The following NOVA2 variants were observed in gnomAD, a reference collection of about 807,000 sequenced individuals.
NOVA2 encodes the protein RNA-binding protein Nova-2.
Under a neutral mutation model 22.5 loss-of-function variants are expected in NOVA2, and 9 were observed. The observed-to-expected ratio is 0.40, with a 90% CI of 0.24 to 0.70. NOVA2 has a LOEUF of 0.70. NOVA2 is among the 30% of genes least tolerant of loss of function. The probability of loss-of-function intolerance (pLI) is 0.38; values close to 1 mark genes in which losing one functional copy is unlikely to be tolerated. For synonymous variants in NOVA2, 318 were observed against 335.2 expected (o/e 0.95, Z 0.56); for missense variants, 383 against 682.8 (o/e 0.56, Z 4.89).
intron 3 of NOVA2, 131 bp downstream of exon 3, chr19:45,953,649 T>C: frequency 9.3e-7 from 1 of 1,078,134 alleles, no homozygotes; most frequent in Admixed American, 1.9e-5. Flanking sequence ...ACCACTACCA[T>C]GTGGTCTTTG....
At position 45,939,740 on chromosome 19, in the gene NOVA2, C is replaced by A. The variant is rs1967714676; in HGVS notation, c.*123G>T. On this transcript the variant is annotated 3_prime_UTR_variant, in exon 4 of 4. Coordinates refer to ENST00000263257, the MANE Select transcript of NOVA2 (RefSeq NM_002516.4). The stretch of plus-strand genomic sequence containing the variant: ...GAAGGGGAGGGTGCAGTCGGGCCTA[C>A]CCCAGCCCCATCCCAAGAGGAGCAG... The A allele has an allele frequency of 1.5e-6, 2 of 1,313,688 alleles. No individual in the cohort carries two copies. The highest frequency in any genetic ancestry group is 5.1e-5 in the East Asian group (2 of 39,322). The allele number at this position is 1,313,688 out of a possible 1,614,324, so 81.4% of individuals were successfully genotyped here. A position where few individuals can be genotyped will look rare whatever the true frequency, so the allele number is the denominator to read the frequency against.
At chr19:45,941,822 C>T (rs1275717598) in intron 3 of NOVA2, among the ~76,000 whole-genome samples, 1 of 152,184 alleles carries the variant, frequency 6.6e-6, no homozygotes, top group African/African-American at 2.4e-5. Flanking sequence ...AGTAGCCCCT[C>T]AACCACCCTG....
intron 3 of NOVA2, among the ~76,000 whole-genome samples, chr19:45,941,326 AT>A (rs1967755106): frequency 1.3e-5 from 2 of 150,002 alleles, no homozygotes; most frequent in African/African-American, 2.4e-5. Flanking sequence ...ATATATATAT[AT>A]ATAATTTTGT....
intron 3 of NOVA2, among the ~76,000 whole-genome samples, chr19:45,947,956 C>T (rs11672738): frequency 0.42 from 63,808 of 151,888 alleles, 15,888 homozygotes; most frequent in Non-Finnish European, 0.55. Flanking sequence ...TGATGCTGGG[C>T]AAGGGACCTA....
At chr19:45,957,658 C>T (rs962862086) in intron 2 of NOVA2, among the ~76,000 whole-genome samples, 5 of 152,006 alleles carry the variant, frequency 3.3e-5, no homozygotes, top group African/African-American at 1.2e-4. Flanking sequence ...GAGCCACGAT[C>T]GTGCCACTGC....
chr19:45,944,585 C>T (rs560526706), intron 3 of NOVA2, among the ~76,000 whole-genome samples: 1 of 152,194 alleles, frequency 6.6e-6, no homozygotes, highest in African/African-American at 2.4e-5. Context: ...TATATCCATA[C>T]AATGGAATAT....
At position 45,959,297 on chromosome 19, in the gene NOVA2, C is replaced by T. The variant is rs576308893; in HGVS notation, c.229+1713G>A. ...CATGCTGTATGATCTGGAAGTTGCA[C>T]GCCAGGAGTGGGGATGGGGGCTGAC... On this transcript the variant is annotated intron_variant, in intron 2 of 3. Transcript: ENST00000263257. Among the ~76,000 whole-genome samples the T allele has an allele frequency of 5.9e-5, 9 of 152,290 alleles. No individual in the cohort carries two copies. In the East Asian group the frequency reaches 1.2e-3, roughly 20 times the overall value.
rs1183222271 is a variant in NOVA2, at chr19:45,938,836, A to G, written c.*1027T>C. 6.6e-6 allele frequency: 1 copy of G among 152,268 alleles called. No individual in the cohort carries two copies. The highest frequency in any genetic ancestry group is 1.5e-5 in the Non-Finnish European group (1 of 68,058). The allele number at this position is 152,268 out of a possible 1,614,324, so 9.4% of individuals were successfully genotyped here. ...GTCCAATACAGGAAGTACATGCTTC[A>G]GCCTAATGACATCACAGGACGTGAC... is the stretch of plus-strand genomic sequence containing the variant. On this transcript the variant is annotated 3_prime_UTR_variant, in exon 4 of 4. Transcript: ENST00000263257.
chr19:45,939,569 G>A lies in NOVA2; in HGVS notation c.*294C>T, dbSNP rs1967711324. ...AAATCAACAAAATGCAATATATACAGATATCACACAGACCTGGGCCCTGGG... is the reference window on the plus strand; with the variant it reads ...AAATCAACAAAATGCAATATATACAAATATCACACAGACCTGGGCCCTGGG... On this transcript the variant is annotated 3_prime_UTR_variant, in exon 4 of 4. Coordinates refer to ENST00000263257, the MANE Select transcript of NOVA2 (RefSeq NM_002516.4). 3 of 367,122 alleles carry A rather than the reference G, an allele frequency of 8.2e-6. No homozygotes were observed. The highest frequency in any genetic ancestry group is 1.5e-5 in the Non-Finnish European group (3 of 201,626). The allele number at this position is 367,122 out of a possible 1,614,324, so 22.7% of individuals were successfully genotyped here.
At chr19:45,944,827 T>C (rs368651761) in intron 3 of NOVA2, among the ~76,000 whole-genome samples, 1 of 152,342 alleles carries the variant, frequency 6.6e-6, no homozygotes, top group South Asian at 2.1e-4. Context: ...GGATTTCTTT[T>C]GGGTAATAGA....
intron 2 of NOVA2, among the ~76,000 whole-genome samples, chr19:45,956,534 G>A (rs1321666935): frequency 1.3e-5 from 2 of 151,678 alleles, no homozygotes; most frequent in East Asian, 1.9e-4. Flanking sequence ...GCAGCGGTGC[G>A]ATCTCAGATC....
At chr19:45,954,836 G>C (rs961352584) in intron 2 of NOVA2, among the ~76,000 whole-genome samples, 1 of 149,736 alleles carries the variant, frequency 6.7e-6, no homozygotes. Context: ...CAGTGTGTGT[G>C]TCTGCGAGGC....
In NOVA2 at chr19:45,938,014, A is replaced by C. The variant is rs1162834346; in HGVS notation, c.*1849T>G. On this transcript the variant is annotated 3_prime_UTR_variant, in exon 4 of 4. Coordinates refer to ENST00000263257, the MANE Select transcript of NOVA2 (RefSeq NM_002516.4). ...GGTTTGGAAGACCTAGGAGGCGGACAAATGGGGGAGAGGGTGGGCATGGGG... is the reference window on the plus strand; with the variant it reads ...GGTTTGGAAGACCTAGGAGGCGGACCAATGGGGGAGAGGGTGGGCATGGGG... 6.6e-6 allele frequency: 1 copy of C among 152,168 alleles called. No individual in the cohort carries two copies. The highest frequency in any genetic ancestry group is 2.4e-5 in the African/African-American group (1 of 41,436). The allele number at this position is 152,168 out of a possible 1,614,324, so 9.4% of individuals were successfully genotyped here.
At chr19:45,958,101 AC>A (rs1968031665) in intron 2 of NOVA2, among the ~76,000 whole-genome samples, 1 of 125,124 alleles carries the variant, frequency 8.0e-6, no homozygotes, top group South Asian at 2.6e-4. Context: ...ACAGAGCAAG[AC>A]TCCGTCTCAA....
chr19:45,944,049 T>G (rs537461109), intron 3 of NOVA2, among the ~76,000 whole-genome samples: 2 of 152,322 alleles, frequency 1.3e-5, no homozygotes, highest in African/African-American at 4.8e-5. Flanking sequence ...CTGGATCACT[T>G]TACATATGTA....
chr19:45,952,090 T>G (rs933542554), intron 3 of NOVA2, among the ~76,000 whole-genome samples: 2 of 152,032 alleles, frequency 1.3e-5, no homozygotes, highest in Non-Finnish European at 2.9e-5. Flanking sequence ...GAAACTGAGG[T>G]CTACAGAAGG....
Position 45,940,500 on chromosome 19 carries a change from G to T in NOVA2, c.842C>A (p.Thr281Lys). The T allele has an allele frequency of 6.6e-7, 1 of 1,523,048 alleles. No individual in the cohort carries two copies. 94.3% of individuals were successfully genotyped at this position (1,523,048 alleles called of 1,614,324 possible). A position where few individuals can be genotyped will look rare whatever the true frequency, so the allele number is the denominator to read the frequency against. ...GTAACTTGCCAGCGTGTTAAGCGCC[G>T]TGCTGATGGCCAGCAGGTCGGTGCC... ...FSGTDLLAIS[T>K]ALNTLASYGY... Residue 281 changes from threonine to lysine, a missense_variant, in exon 4 of 4, where the codon ACG (threonine) becomes AAG (lysine). Thr to Lys is a moderately conservative substitution (Grantham distance 78, BLOSUM62 -1). Around this residue, in one of 2 missense-constraint regions of NOVA2, gnomAD observed 349 missense variants for 578.1 expected, o/e 0.60. Coordinates refer to ENST00000263257, the MANE Select transcript of NOVA2 (RefSeq NM_002516.4).
intron 2 of NOVA2, among the ~76,000 whole-genome samples, 175 bp from the exon 3 acceptor site, chr19:45,954,121 G>A (rs898919924): frequency 6.6e-6 from 1 of 152,208 alleles, no homozygotes; most frequent in Admixed American, 6.5e-5. Flanking sequence ...GGGCAGCTGG[G>A]AGAATGAGTG....
At chr19:45,960,469 T>G in intron 2 of NOVA2, among the ~76,000 whole-genome samples, 2 of 145,694 alleles carry the variant, frequency 1.4e-5, no homozygotes, top group South Asian at 2.2e-4. Context: ...ACCAGAGAGA[T>G]GGACAGAGAG....
Sources: gnomAD v4.1 joint callset for allele counts (sites outside exome capture counted in the v4.1 genomes callset) on GRCh38, gnomAD v4.1.1 for gene constraint, gnomAD v4.1.1 regional missense constraint, MANE v1.5 for transcripts, NCBI Gene and HGNC (gene_info 2026-07-23, HGNC 2026-07-21) for gene names.